Variants in AP3D1 observed in about 807,000 individuals in gnomAD.
The protein encoded by AP3D1 is adaptor related protein complex 3 subunit delta 1, also known as AP-3 complex subunit delta-1.
In AP3D1, 51 loss-of-function variants were observed where a neutral mutation model predicts 147.6. The observed-to-expected ratio is 0.35, with a 90% CI of 0.28 to 0.44. The LOEUF is 0.44. Among genes scored for constraint, AP3D1 ranks in the 20% least tolerant of loss-of-function variants. The pLI, the probability that AP3D1 is intolerant of heterozygous loss-of-function variation, is 1.00. For synonymous variants in AP3D1, 760 were observed against 663.0 expected (o/e 1.15, Z -2.25); for missense variants, 1,421 against 1,624.2 (o/e 0.87, Z 2.15).
rs79162849 is a variant in AP3D1, at chr19:2,109,813, G to A, written c.3350+60C>T. On this transcript the variant is annotated intron_variant, in intron 29 of 31. Coordinates refer to ENST00000643116, the MANE Select transcript of AP3D1 (RefSeq NM_001261826.3). ...CTCAGTCCCCGGGGCACAGGTGTCT[G>A]CAAGGTAGAGGGGAGGCGGAGGGGG... The A allele has an allele frequency of 1.2e-5, 18 of 1,517,788 alleles. No homozygotes were observed. In the African/African-American group the frequency reaches 2.5e-4, roughly 21 times the overall value. The allele number at this position is 1,517,788 out of a possible 1,614,324, so 94.0% of individuals were successfully genotyped here.
chr19:2,150,567 G>A lies in AP3D1; in HGVS notation c.96+672C>T, dbSNP rs561349226. Reference sequence around the variant, plus strand: ...CTACCTCACTGGGGATCAGGATGCCGCTGTCCTTCCTCCCTCCTGGCAGCA... The same window carrying A: ...CTACCTCACTGGGGATCAGGATGCCACTGTCCTTCCTCCCTCCTGGCAGCA... On this transcript the variant is annotated intron_variant, in intron 1 of 31. Coordinates refer to ENST00000643116, the MANE Select transcript of AP3D1 (RefSeq NM_001261826.3). Among the ~76,000 whole-genome samples the A allele has an allele frequency of 3.9e-5, 6 of 152,316 alleles. No individual in the cohort carries two copies. In the East Asian group the frequency reaches 9.7e-4, roughly 25 times the overall value.
At position 2,103,167 on chromosome 19, in the gene AP3D1, T is replaced by C. The variant is rs1294085699; in HGVS notation, c.3553-899A>G. On this transcript the variant is annotated intron_variant, in intron 31 of 31. Coordinates refer to ENST00000643116, the MANE Select transcript of AP3D1 (RefSeq NM_001261826.3). Reference sequence around the variant, plus strand: ...AACAAAAAAACACTATGTGCAAATATTGCCTCGCAGCTGTATGTGTTGTCC... The same window carrying C: ...AACAAAAAAACACTATGTGCAAATACTGCCTCGCAGCTGTATGTGTTGTCC... Among the ~76,000 whole-genome samples, 6 of 152,218 alleles carry C rather than the reference T, an allele frequency of 3.9e-5. No homozygotes were observed. In the South Asian group the frequency reaches 8.3e-4, roughly 21 times the overall value.
intron 1 of AP3D1, among the ~76,000 whole-genome samples, chr19:2,159,307 C>T (rs2019675596): frequency 6.6e-6 from 1 of 151,576 alleles, no homozygotes. Context: ...CAACCTCCGC[C>T]TCCCAGGTTC....
In AP3D1 at chr19:2,125,776, T is replaced by C. The variant is rs1266191811; in HGVS notation, c.856+1376A>G. ...ATCTGAATTGTGCTATTTGACAATC[T>C]AGAGGTGTACCTTAAAAATATACCA... On this transcript the variant is annotated intron_variant, in intron 9 of 31. Coordinates refer to ENST00000643116, the MANE Select transcript of AP3D1 (RefSeq NM_001261826.3). Among the ~76,000 whole-genome samples, 6 of 151,730 alleles carry C rather than the reference T, an allele frequency of 4.0e-5. No homozygotes were observed. In the East Asian group the frequency reaches 9.6e-4, roughly 24 times the overall value.
chr19:2,134,755 C>A (rs1374197602), intron 4 of AP3D1, among the ~76,000 whole-genome samples: 2 of 151,902 alleles, frequency 1.3e-5, no homozygotes, highest in South Asian at 2.1e-4. Flanking sequence ...GCACGCACCA[C>A]CACGCCCGGC....
chr19:2,121,539 G>A (rs1255220064), intron 12 of AP3D1, among the ~76,000 whole-genome samples, 195 bp downstream of exon 12: 3 of 152,152 alleles, frequency 2.0e-5, no homozygotes, highest in Non-Finnish European at 2.9e-5. Flanking sequence ...CTGCAGGCTC[G>A]GCCCCGCCCC....
chr19:2,120,488 G>C (rs962213185), intron 14 of AP3D1, among the ~76,000 whole-genome samples: 1 of 152,194 alleles, frequency 6.6e-6, no homozygotes, highest in East Asian at 1.9e-4. Context: ...ACAGCAAACA[G>C]GGCTCAGAAG....
chr19:2,116,851 A>T (rs1411715018), intron 16 of AP3D1, 105 bp from the exon 17 acceptor site: 2 of 1,395,758 alleles, frequency 1.4e-6, no homozygotes, highest in South Asian at 1.5e-5. Flanking sequence ...GTGATATCCC[A>T]AACAGTGGGG....
chr19:2,109,303 G>A (rs2018198877), intron 29 of AP3D1, 96 bp from the exon 30 acceptor site: 13 of 1,456,574 alleles, frequency 8.9e-6, no homozygotes, highest in Middle Eastern at 2.2e-4. Context: ...CGCTGCGCTT[G>A]GACACCCTCC....
chr19:2,129,475 C>A lies in AP3D1; in HGVS notation c.593-18G>T, dbSNP rs758288. On this transcript the variant is annotated intron_variant, in intron 6 of 31. Coordinates refer to ENST00000643116, the MANE Select transcript of AP3D1 (RefSeq NM_001261826.3). ...CTGAACCCCTGGGGAACAAGGGGTT[C>A]TCATCAGCATGCCTGTCCTTCCACC... 9 of 1,609,420 alleles carry A rather than the reference C, an allele frequency of 5.6e-6. No homozygotes were observed. The highest frequency in any genetic ancestry group is 1.3e-5 in the African/African-American group (1 of 74,688).
intron 1 of AP3D1, among the ~76,000 whole-genome samples, chr19:2,163,268 T>A (rs1454033105): frequency 1.3e-5 from 2 of 152,030 alleles, no homozygotes; most frequent in Non-Finnish European, 2.9e-5. Flanking sequence ...GAGACAGGGT[T>A]TCACCATGTT....
chr19:2,153,189 C>A (rs746323626), upstream of AP3D1, among the ~76,000 whole-genome samples: 1 of 150,374 alleles, frequency 6.7e-6, no homozygotes, highest in Non-Finnish European at 1.5e-5. Context: ...GCCTGGCCAA[C>A]ATGATGAAAG....
intron 1 of AP3D1, among the ~76,000 whole-genome samples, chr19:2,156,901 CATCCACCCACCCACCT>C (rs1308222211): frequency 6.7e-6 from 1 of 149,726 alleles, no homozygotes; most frequent in African/African-American, 2.4e-5. Flanking sequence ...GCCACCCACC[CATCCACCCACCCACCT>C]ATCCACCCAC....
At chr19:2,138,511 T>G in intron 2 of AP3D1, 108 bp downstream of exon 2, 1 of 864,730 alleles carries the variant, frequency 1.2e-6, no homozygotes, top group Non-Finnish European at 1.9e-6. Flanking sequence ...CGACAGCAGG[T>G]GGTACCAATG....
At chr19:2,154,643 G>A (rs1460625908), upstream of AP3D1, among the ~76,000 whole-genome samples, 1 of 152,166 alleles carries the variant, frequency 6.6e-6, no homozygotes, top group Non-Finnish European at 1.5e-5. Flanking sequence ...TCCACTTTCT[G>A]TCCCTTTTCA....
intron 1 of AP3D1, among the ~76,000 whole-genome samples, chr19:2,156,643 G>C (rs145968810): frequency 0.011 from 1,697 of 152,140 alleles, 19 homozygotes; most frequent in Non-Finnish European, 0.017. Context: ...GGGGTCAGGA[G>C]ATCGAGACCA....
intron 9 of AP3D1, among the ~76,000 whole-genome samples, chr19:2,124,722 C>T (rs1302179083): frequency 1.3e-5 from 2 of 152,248 alleles, no homozygotes; most frequent in East Asian, 3.9e-4. Context: ...GGGCAGATGA[C>T]CTGAGGTCAG....
In AP3D1 at chr19:2,110,708, T is replaced by C; in HGVS notation, c.3174A>G (p.Pro1058=). The change falls in exon 27 of 32, where the codon CCA becomes CCG. Residue 1058 remains proline (P), a splice_region_variant and synonymous_variant. Coordinates refer to ENST00000643116, the MANE Select transcript of AP3D1 (RefSeq NM_001261826.3). ...GGCCGTGAGTGGGGCAGGGCTCACC[T>C]GGGGGCAGCTGGAAAGGCACGGGGA... ...DGVPVPFQLP[P]GVSNEAQYVF... The C allele has an allele frequency of 6.3e-7, 1 of 1,595,266 alleles. No homozygotes were observed. Among genetic ancestry groups the C allele is most frequent in the Non-Finnish European group, 8.5e-7 (1 of 1,172,290 alleles).
At chr19:2,134,749 G>A (rs1390468245) in intron 4 of AP3D1, among the ~76,000 whole-genome samples, 3 of 151,056 alleles carry the variant, frequency 2.0e-5, no homozygotes, top group Non-Finnish European at 4.4e-5. Context: ...TTATAGGCAC[G>A]CACCACCACG....
Sources: allele counts gnomAD v4.1 joint callset (sites outside exome capture counted in the v4.1 genomes callset), GRCh38; gene constraint gnomAD v4.1.1; transcripts MANE v1.5; gene names NCBI Gene and HGNC (gene_info 2026-07-23, HGNC 2026-07-21).